Variants in OTOGL observed in about 807,000 individuals in gnomAD.
OTOGL encodes the protein otogelin like, also known as otogelin-like protein.
OTOGL carries 285 observed loss-of-function variants against 318.5 expected under a neutral mutation model. The observed-to-expected ratio is 0.89, with a 90% confidence interval of 0.81 to 0.99. The LOEUF is 0.99. Among genes scored for constraint, OTOGL ranks in the 50% least tolerant of loss-of-function variants. The pLI is 0.00. For missense variants in OTOGL, 2,899 were observed against 2,845.6 expected, an observed-to-expected ratio of 1.02 and a Z score of -0.43; for synonymous variants, 987 against 936.5, an observed-to-expected ratio of 1.05 and a Z score of -0.99.
chr12:80,253,626 A>C, intron 14 of OTOGL, 52 bp downstream of exon 14: 1 of 1,406,816 alleles, frequency 7.1e-7, no homozygotes, highest in Admixed American at 1.7e-5. Flanking sequence ...CTAGTTGACA[A>C]CTTTACCATG....
intron 8 of OTOGL, among the ~76,000 whole-genome samples, chr12:80,230,022 A>C (rs1161126415): frequency 2.0e-5 from 3 of 151,978 alleles, no homozygotes; most frequent in Non-Finnish European, 4.4e-5. Context: ...TAACCTAGAA[A>C]TACTGTGGAA....
intron 1 of OTOGL, among the ~76,000 whole-genome samples, chr12:80,155,522 A>G (rs1160355821): frequency 6.6e-6 from 1 of 152,246 alleles, no homozygotes; most frequent in Non-Finnish European, 1.5e-5. Flanking sequence ...GAGATAGGGT[A>G]CATGAGATGT....
chr12:80,141,241 G>C (rs1043197079), intron 1 of OTOGL, among the ~76,000 whole-genome samples: 1 of 152,098 alleles, frequency 6.6e-6, no homozygotes, highest in Non-Finnish European at 1.5e-5. Context: ...ATAAAAGTAA[G>C]CCGTGGCATT....
chr12:80,352,396 G>A lies in OTOGL; in HGVS notation c.5367G>A (p.Lys1789=). 1 of 1,612,176 alleles carries A rather than the reference G, an allele frequency of 6.2e-7. No homozygotes were observed. Among genetic ancestry groups the A allele is most frequent in the Non-Finnish European group, 8.5e-7 (1 of 1,178,854 alleles). Residue 1789 remains lysine (K), a synonymous_variant, in exon 45 of 59, where the codon AAG becomes AAA. Transcript: ENST00000547103. ...CTGCATATGTGGCTCTGTGCAACAAGTTTGATATCTGTATTCAGTGGAGAA... is the reference window on the plus strand; with the variant it reads ...CTGCATATGTGGCTCTGTGCAACAAATTTGATATCTGTATTCAGTGGAGAA... ...ALSAYVALCN[K]FDICIQWRTP... is the part of the protein sequence containing the mutation.
chr12:80,366,144 G>A (rs1343918937), intron 52 of OTOGL: 1 of 202,172 alleles, frequency 4.9e-6, no homozygotes, highest in Non-Finnish European at 1.1e-5. Flanking sequence ...ATTAAGTAAT[G>A]TGCCCTAAAT....
rs1411631976 is a variant in OTOGL, at chr12:80,167,990, T to A, written c.-19-41423T>A. ...TCTCCTCTCCTCTCTTCTCCTCTCT[T>A]CTCTTCTCTTCTTTTTTTTTGGAGT... On this transcript the variant is annotated intron_variant, in intron 1 of 58. Coordinates refer to ENST00000547103, the MANE Select transcript of OTOGL (RefSeq NM_001378609.3). Among the ~76,000 whole-genome samples, 3 of 151,922 alleles carry A rather than the reference T, an allele frequency of 2.0e-5. No individual in the cohort carries two copies. In the East Asian group the frequency reaches 5.8e-4, roughly 29 times the overall value.
At chr12:80,112,174 A>G (rs572935959) in intron 1 of OTOGL, among the ~76,000 whole-genome samples, 1 of 152,348 alleles carries the variant, frequency 6.6e-6, no homozygotes, top group Admixed American at 6.5e-5. Flanking sequence ...TTCTAAATAT[A>G]CAATCATGTC....
intron 1 of OTOGL, among the ~76,000 whole-genome samples, chr12:80,117,196 A>G (rs1870218414): frequency 6.6e-6 from 1 of 152,118 alleles, no homozygotes; most frequent in Non-Finnish European, 1.5e-5. Context: ...TTTACCTTTG[A>G]ATCTTAGTTA....
chr12:80,271,597 C>A, intron 23 of OTOGL, 51 bp from the exon 24 acceptor site: 1 of 1,551,778 alleles, frequency 6.4e-7, no homozygotes. Flanking sequence ...TTCATATCTC[C>A]CATGCCATGA....
chr12:80,231,548 A>G (rs989472408), intron 8 of OTOGL, among the ~76,000 whole-genome samples: 5 of 152,192 alleles, frequency 3.3e-5, no homozygotes, highest in African/African-American at 7.2e-5. Flanking sequence ...TTTGAGAGAA[A>G]TGTATGAATA....
chr12:80,107,956 G>A (rs182277377), intron 1 of OTOGL, among the ~76,000 whole-genome samples: 12 of 152,088 alleles, frequency 7.9e-5, no homozygotes, highest in South Asian at 6.2e-4. Flanking sequence ...GAGAGTGGAG[G>A]GTGGGAGGAG....
chr12:80,110,477 C>T (rs535825652), intron 1 of OTOGL, among the ~76,000 whole-genome samples: 65 of 152,232 alleles, frequency 4.3e-4, no homozygotes, highest in African/African-American at 1.4e-3. Context: ...TTTTCGACAC[C>T]CACTTATGAG....
chr12:80,193,117 T>C (rs1875812380), intron 1 of OTOGL, among the ~76,000 whole-genome samples: 1 of 152,184 alleles, frequency 6.6e-6, no homozygotes, highest in African/African-American at 2.4e-5. Context: ...GTCCTCTAGA[T>C]GGAGCAGCAG....
rs1889225919 is a variant in OTOGL at position 80,346,812 on chromosome 12, G to T, written c.5265+4650G>T. 1.3e-5 allele frequency among the ~76,000 whole-genome samples: 2 copies of T among 152,116 alleles called. 1 individual carries two copies. Among genetic ancestry groups the T allele is most frequent in the South Asian group, 4.1e-4 (2 of 4,826 alleles). On this transcript the variant is annotated intron_variant, in intron 44 of 58. Transcript: ENST00000547103. ...TTGGGAGACATTTGGGATGTGGAAG[G>T]GGTAGGATTTAAGGACCAATTAGAT...
chr12:80,323,730 G>T lies in OTOGL; in HGVS notation c.4089G>T (p.Gln1363His). The T allele has an allele frequency of 6.2e-7, 1 of 1,612,520 alleles. No individual in the cohort carries two copies. The highest frequency in any genetic ancestry group is 1.1e-5 in the South Asian group (1 of 90,998). The change falls in exon 35 of 59, where the codon CAG becomes CAT. Residue 1363 changes from glutamine (Q) to histidine (H), a missense_variant. Gln to His is a conservative substitution (Grantham distance 24). This residue lies in a region of OTOGL where 2,607 missense variants were observed against 2,524.9 expected (regional missense o/e 1.03). Transcript: ENST00000547103. ...AACTTTATTTTTTCCCAGAAATCCA[G>T]GCAGCAGTGCCTTACAGGAAGATGT... ...HSSSFSIEEI[Q>H]AAVPYRKMCE...
chr12:80,215,341 A>G (rs1877615890), intron 4 of OTOGL, among the ~76,000 whole-genome samples: 1 of 151,768 alleles, frequency 6.6e-6, no homozygotes. Context: ...AATTTTCTGT[A>G]TTTTTAGTAG....
intron 53 of OTOGL, among the ~76,000 whole-genome samples, chr12:80,366,861 A>G (rs1351130453): frequency 6.6e-6 from 1 of 151,882 alleles, no homozygotes; most frequent in African/African-American, 2.4e-5. Context: ...ATATTTTTTC[A>G]GAGGCCTCAG....
At chr12:80,278,033 C>A in intron 24 of OTOGL, 135 bp from the exon 25 acceptor site, 1 of 639,610 alleles carries the variant, frequency 1.6e-6, no homozygotes, top group African/African-American at 1.8e-5. Flanking sequence ...GATTCATCTC[C>A]TCAGTAGGTT....
Position 80,255,597 on chromosome 12 carries a change from G to A in OTOGL, c.1587+412G>A, listed in dbSNP as rs1387793344. The stretch of plus-strand genomic sequence containing the variant: ...TGCTTCAACCTAGCTATTTTAAAGA[G>A]ACTATTTTTGACAGTTTTGAACTGG... On this transcript the variant is annotated intron_variant, in intron 16 of 58. Transcript: ENST00000547103. Among the ~76,000 whole-genome samples the A allele has an allele frequency of 2.0e-5, 3 of 151,912 alleles. No homozygotes were observed. The East Asian group carries it at 5.8e-4, about 29-fold the overall frequency.
Sources: gnomAD v4.1 joint callset for allele counts (sites outside exome capture counted in the v4.1 genomes callset) on GRCh38, gnomAD v4.1.1 for gene constraint, gnomAD v4.1.1 regional missense constraint, MANE v1.5 for transcripts, NCBI Gene and HGNC (gene_info 2026-07-23, HGNC 2026-07-21) for gene names.